ABCB4: variants seen among roughly 807,000 people sequenced by gnomAD.
The protein encoded by ABCB4 is phosphatidylcholine translocator ABCB4.
Under a neutral mutation model 145.7 loss-of-function variants are expected in ABCB4, and 76 were observed. The ratio of observed to expected loss-of-function variants is 0.52; its 90% CI spans 0.43 to 0.63. The LOEUF (loss-of-function observed/expected upper bound fraction) is 0.63, where lower values mean the gene tolerates loss of function less well. Ranked by LOEUF, ABCB4 falls within the 30% of genes least tolerant of loss-of-function variation. The pLI is 0.00. For missense variants in ABCB4, 1,234 were observed against 1,553.1 expected, an observed-to-expected ratio of 0.79 and a Z score of 3.45; for synonymous variants, 517 against 566.8, an observed-to-expected ratio of 0.91 and a Z score of 1.25.
At chr7:87,377,380 C>T in the ABCB4 span, 1 of 1,610,406 alleles carries the variant, frequency 6.2e-7, no homozygotes, top group African/African-American at 1.3e-5. Context: ...GGAGATCCAA[C>T]AGTACGCTGG....
chr7:87,394,292 C>G, the ABCB4 span, among the ~76,000 whole-genome samples: 6 of 152,134 alleles, frequency 3.9e-5, no homozygotes, highest in Non-Finnish European at 7.4e-5. Flanking sequence ...CAGTTTGTCT[C>G]TTTAGCAGAT....
chr7:87,428,842 G>A (rs45482600), intron 15 of ABCB4, among the ~76,000 whole-genome samples: 6,151 of 152,162 alleles, frequency 0.04, 405 homozygotes, highest in African/African-American at 0.14. Context: ...ATACGAAATA[G>A]CTATCAGTGG....
rs369207501 is a variant in ABCB4, at chr7:87,413,731, T to C, written c.2683-14A>G. On this transcript the variant is annotated splice_polypyrimidine_tract_variant and intron_variant, in intron 21 of 27. Coordinates refer to ENST00000649586, the MANE Select transcript of ABCB4 (RefSeq NM_000443.4). ...CTCTGTTGCAATCTGTAACACAGAA[T>C]AGACCTTCATTAGAAGTGGTGTTTT... 47 of 1,519,624 alleles carry C rather than the reference T, an allele frequency of 3.1e-5. No homozygotes were observed. In the African/African-American group the frequency reaches 4.1e-4, roughly 13 times the overall value. The allele number at this position is 1,519,624 out of a possible 1,614,324, so 94.1% of individuals were successfully genotyped here.
chr7:87,400,750 G>A (rs1190955191), downstream of ABCB4, among the ~76,000 whole-genome samples: 1 of 152,200 alleles, frequency 6.6e-6, no homozygotes, highest in African/African-American at 2.4e-5. Context: ...CTGGACTTGG[G>A]ATGCTCAGCC....
intron 14 of ABCB4, among the ~76,000 whole-genome samples, chr7:87,433,669 G>GTT (rs752621529): frequency 8.1e-5 from 10 of 124,052 alleles, no homozygotes; most frequent in South Asian, 2.5e-4. Flanking sequence ...ACAAAAAATT[G>GTT]TTGTTGTTTT....
intron 15 of ABCB4, among the ~76,000 whole-genome samples, chr7:87,430,707 G>C (rs934571707): frequency 2.0e-5 from 3 of 152,056 alleles, no homozygotes; most frequent in Admixed American, 1.3e-4. Context: ...TGTATTTTTA[G>C]TAGAGATGGG....
chr7:87,417,598 T>A (rs1436584471), intron 20 of ABCB4, 83 bp from the exon 21 acceptor site: 2 of 1,134,616 alleles, frequency 1.8e-6, no homozygotes, highest in Non-Finnish European at 2.7e-6. Context: ...GTCAGAATGA[T>A]GAGTGGGTTC....
At chr7:87,412,150 T>C (rs1446151457) in intron 22 of ABCB4, 117 bp from the exon 23 acceptor site, 19 of 1,031,922 alleles carry the variant, frequency 1.8e-5, no homozygotes, top group South Asian at 4.0e-5. Context: ...CCTCCAGTTA[T>C]ATTAGTTTGG....
At position 87,409,356 on chromosome 7, in the gene ABCB4, T is replaced by G; in HGVS notation, c.2961A>C (p.Leu987=). Residue 987 remains leucine, a synonymous_variant, in exon 24 of 28, where the codon CTA becomes CTC. Transcript: ENST00000649586. ...FSAIVFGAVA[L]GHASSFAPDY... ...CTGGAGCAAATGAACTGGCATGTCCTAGAGCCACTGCACCAAATACAATTG... is the reference window on the plus strand; with the variant it reads ...CTGGAGCAAATGAACTGGCATGTCCGAGAGCCACTGCACCAAATACAATTG... 1 of 1,614,100 alleles carries G rather than the reference T, an allele frequency of 6.2e-7. No homozygotes were observed. The highest frequency in any genetic ancestry group is 8.5e-7 in the Non-Finnish European group (1 of 1,179,960).
At chr7:87,406,177 T>G in intron 26 of ABCB4, 111 bp downstream of exon 26, 1 of 1,152,082 alleles carries the variant, frequency 8.7e-7, no homozygotes, top group Non-Finnish European at 1.3e-6. Context: ...TCCAAGTTGT[T>G]AATGTTAGTA....
At chr7:87,450,681 A>G (rs1401459499) in intron 7 of ABCB4, among the ~76,000 whole-genome samples, 1 of 152,148 alleles carries the variant, frequency 6.6e-6, no homozygotes, top group African/African-American at 2.4e-5. Context: ...TGTGTTAGCC[A>G]GGATGGTCTC....
At chr7:87,381,784 GGT>G in the ABCB4 span, 1 of 598,240 alleles carries the variant, frequency 1.7e-6, no homozygotes, top group African/African-American at 1.9e-5. Context: ...ATCCTCAAGA[GGT>G]GAGGCATTTG....
At chr7:87,473,091 A>G (rs1268723545) in intron 2 of ABCB4, among the ~76,000 whole-genome samples, 1 of 152,210 alleles carries the variant, frequency 6.6e-6, no homozygotes, top group African/African-American at 2.4e-5. Context: ...GAATTTAACC[A>G]CTTATCACCA....
At chr7:87,467,151 A>T (rs1352768304) in intron 3 of ABCB4, among the ~76,000 whole-genome samples, 3 of 152,154 alleles carry the variant, frequency 2.0e-5, no homozygotes, top group African/African-American at 7.2e-5. Flanking sequence ...TATTCAGGAA[A>T]CCCATCTCAC....
At chr7:87,398,601 C>T, downstream of ABCB4, 1 of 1,613,688 alleles carries the variant, frequency 6.2e-7, no homozygotes, top group Middle Eastern at 1.7e-4. Context: ...ACTTTTTGTG[C>T]TTTTCATGAT....
the ABCB4 span, among the ~76,000 whole-genome samples, chr7:87,370,821 G>C: frequency 6.6e-6 from 1 of 152,190 alleles, no homozygotes; most frequent in African/African-American, 2.4e-5. Flanking sequence ...ACACATGCAT[G>C]TATTTCTGTC....
the ABCB4 span, among the ~76,000 whole-genome samples, chr7:87,386,616 T>C: frequency 6.6e-6 from 1 of 152,178 alleles, no homozygotes; most frequent in African/African-American, 2.4e-5. Context: ...TTTGGAGCTC[T>C]TGTAAAAGTT....
At chr7:87,375,649 A>C in the ABCB4 span, 8 of 1,612,944 alleles carry the variant, frequency 5.0e-6, no homozygotes, top group African/African-American at 1.1e-4. Flanking sequence ...ACATATATCC[A>C]CAAGAAGTGC....
intron 14 of ABCB4, among the ~76,000 whole-genome samples, 185 bp from the exon 15 acceptor site, chr7:87,431,750 G>A (rs1243609360): frequency 6.6e-6 from 1 of 152,186 alleles, no homozygotes; most frequent in East Asian, 1.9e-4. Context: ...GACGAGTTTG[G>A]GACCAGACAA....
Sources: allele counts gnomAD v4.1 joint callset (sites outside exome capture counted in the v4.1 genomes callset), GRCh38; gene constraint gnomAD v4.1.1; transcripts MANE v1.5; gene names NCBI Gene and HGNC (gene_info 2026-07-23, HGNC 2026-07-21).